ACP6: variants seen among roughly 807,000 people sequenced by gnomAD.
The protein encoded by ACP6 is lysophosphatidic acid phosphatase type 6.
Under a neutral mutation model 48.1 loss-of-function variants are expected in ACP6, and 48 were observed. The ratio of observed to expected loss-of-function variants is 1.00; its 90% CI spans 0.79 to 1.27. ACP6 has a LOEUF of 1.27. Ranked by LOEUF, ACP6 falls within the 50% of genes most tolerant of loss-of-function variation. The probability of loss-of-function intolerance (pLI) is 0.00; values close to 1 mark genes in which losing one functional copy is unlikely to be tolerated. For missense variants in ACP6, 485 were observed against 529.1 expected (o/e 0.92, Z 0.82); for synonymous variants, 172 against 204.2 (o/e 0.84, Z 1.34).
Position 147,647,477 on chromosome 1 carries a change from T to C in ACP6, c.1233A>G (p.Lys411=). ...GAGTTTGAGAGCAGAGTGCGTGGTATTTTTCTGGGCTTAAGGTATAAACTG... is the reference window on the plus strand; with the variant it reads ...GAGTTTGAGAGCAGAGTGCGTGGTACTTTTCTGGGCTTAAGGTATAAACTG... ...AMSVYTLSPE[K]YHALCSQTQV... Residue 411 remains lysine, a synonymous_variant, in exon 10 of 10, where the codon AAA becomes AAG. Coordinates refer to ENST00000583509, the MANE Select transcript of ACP6 (RefSeq NM_016361.5). 2 of 1,614,114 alleles carry C rather than the reference T, an allele frequency of 1.2e-6. No individual in the cohort carries two copies. The highest frequency in any genetic ancestry group is 1.1e-5 in the South Asian group (1 of 91,086).
At chr1:147,654,077 T>C in intron 6 of ACP6, 117 bp downstream of exon 6, 3 of 1,504,124 alleles carry the variant, frequency 2.0e-6, no homozygotes, top group South Asian at 1.3e-5. Context: ...TATCTGTAGG[T>C]CTTATCACAG....
In ACP6 at chr1:147,652,452, T is replaced by G. The variant is rs782793879; in HGVS notation, c.878A>C (p.Asp293Ala). The change falls in exon 7 of 10, where the codon GAC becomes GCC. Residue 293 changes from aspartate (D) to alanine (A), a missense_variant. Asp to Ala is a moderately radical substitution (Grantham distance 126). Transcript: ENST00000583509. ...GCCAGCAGTGAGAGCCCCTCACCTG[T>G]CTTCCTTGGGCAGTATGTACAAGGA... The part of the protein sequence containing the change: ...DTSLYILPKE[D>A]RESLQMAVGP... 3.7e-6 allele frequency: 6 copies of G among 1,611,022 alleles called. No individual in the cohort carries two copies. Among genetic ancestry groups the G allele is most frequent in the Non-Finnish European group, 3.4e-6 (4 of 1,178,572 alleles).
At chr1:147,637,552 C>G (rs1553208201), downstream of ACP6, among the ~76,000 whole-genome samples, 2 of 152,200 alleles carry the variant, frequency 1.3e-5, no homozygotes, top group Admixed American at 6.5e-5. Flanking sequence ...GATCTGAGAA[C>G]AGTTCCCTGG....
chr1:147,651,763 T>A (rs1659936125), intron 7 of ACP6: 1 of 152,162 alleles, frequency 6.6e-6, no homozygotes, highest in Non-Finnish European at 1.5e-5. Context: ...CCCCTACTCA[T>A]CTTTCCCAGG....
chr1:147,634,246 C>A (rs1265476464), intron 5 of ACP6, among the ~76,000 whole-genome samples: 1 of 152,152 alleles, frequency 6.6e-6, no homozygotes, highest in Non-Finnish European at 1.5e-5. Flanking sequence ...TTTGTGTATC[C>A]TCCATGGAGA....
Position 147,654,176 on chromosome 1 carries a change from C to A in ACP6, c.780+18G>T, listed in dbSNP as rs782724105. The stretch of plus-strand genomic sequence containing the variant: ...CCACCAAGGCTATTATCCCAGGCTC[C>A]CCAACCCCAGGACTCACCTGCTCGG... On this transcript the variant is annotated intron_variant, in intron 6 of 9. Coordinates refer to ENST00000583509, the MANE Select transcript of ACP6 (RefSeq NM_016361.5). 4.3e-6 allele frequency: 7 copies of A among 1,612,122 alleles called. No individual in the cohort carries two copies. The highest frequency in any genetic ancestry group is 5.9e-6 in the Non-Finnish European group (7 of 1,179,386).
chr1:147,645,610 A>T lies in ACP6; in HGVS notation c.*1813T>A, dbSNP rs1490051361. ...TACTGATGAGAAGCTTAGTAAGAAG[A>T]ATGAAAACTGGCTATTGGATTCACC... On this transcript the variant is annotated 3_prime_UTR_variant, in exon 10 of 10. Transcript: ENST00000583509. 6.6e-6 allele frequency: 1 copy of T among 152,228 alleles called. No individual in the cohort carries two copies. Among genetic ancestry groups the T allele is most frequent in the Non-Finnish European group, 1.5e-5 (1 of 68,040 alleles). The allele number at this position is 152,228 out of a possible 1,614,324, so 9.4% of individuals were successfully genotyped here.
At chr1:147,668,136 A>C (rs1011503442) in intron 1 of ACP6, among the ~76,000 whole-genome samples, 3 of 152,190 alleles carry the variant, frequency 2.0e-5, no homozygotes, top group Non-Finnish European at 2.9e-5. Flanking sequence ...ATTTTCATGC[A>C]CACAACTTTA....
downstream of ACP6, among the ~76,000 whole-genome samples, chr1:147,638,449 A>G (rs1385530622): frequency 6.6e-6 from 1 of 152,184 alleles, no homozygotes; most frequent in Non-Finnish European, 1.5e-5. Context: ...GTGTCTCTGT[A>G]GAAATAAACA....
intron 5 of ACP6, among the ~76,000 whole-genome samples, chr1:147,634,410 GTTGA>G (rs1553207745): frequency 6.7e-6 from 1 of 148,262 alleles, no homozygotes; most frequent in African/African-American, 2.5e-5. Context: ...TTTTCACTCT[GTTGA>G]TTGTGTCCTT....
At chr1:147,635,609 G>C (rs947514658) in intron 5 of ACP6, among the ~76,000 whole-genome samples, 3 of 152,232 alleles carry the variant, frequency 2.0e-5, no homozygotes, top group African/African-American at 7.2e-5. Flanking sequence ...GGTTGAGGGA[G>C]TGTTGAGTAT....
intron 5 of ACP6, 148 bp downstream of exon 5, chr1:147,655,013 T>C (rs1570963124): frequency 1.6e-6 from 1 of 613,494 alleles, no homozygotes; most frequent in South Asian, 1.9e-5. Flanking sequence ...AGACAGCTGA[T>C]GTCACACTTA....
chr1:147,640,327 C>T (rs1659414739), downstream of ACP6, among the ~76,000 whole-genome samples: 1 of 152,132 alleles, frequency 6.6e-6, no homozygotes, highest in South Asian at 2.1e-4. Context: ...GGCTTAAACA[C>T]CCCTGAAACA....
intron 8 of ACP6, 108 bp downstream of exon 8, chr1:147,650,035 G>A (rs955752492): frequency 1.4e-5 from 12 of 872,994 alleles, no homozygotes; most frequent in East Asian, 5.6e-5. Context: ...ATCTACCTTC[G>A]GTCACTGACA....
intron 1 of ACP6, among the ~76,000 whole-genome samples, chr1:147,660,784 A>G (rs1660507189): frequency 6.6e-6 from 1 of 152,216 alleles, no homozygotes; most frequent in South Asian, 2.1e-4. Flanking sequence ...ATAATTGTAT[A>G]TTGTATATAT....
intron 5 of ACP6, among the ~76,000 whole-genome samples, chr1:147,654,942 T>A (rs1364078386): frequency 2.6e-5 from 4 of 152,220 alleles, no homozygotes; most frequent in African/African-American, 9.6e-5. Flanking sequence ...GTGCGGCTCT[T>A]CCCAGAATTC....
chr1:147,659,506 C>G lies in ACP6; in HGVS notation c.369G>C (p.Gln123His). 6.2e-7 allele frequency: 1 copy of G among 1,614,176 alleles called. No homozygotes were observed. The highest frequency in any genetic ancestry group is 8.5e-7 in the Non-Finnish European group (1 of 1,180,026). Residue 123 changes from glutamine to histidine, a missense_variant, in exon 3 of 10, where the codon CAG becomes CAC. Coordinates refer to ENST00000583509, the MANE Select transcript of ACP6 (RefSeq NM_016361.5). ...TTLKGGMFAG[Q>H]LTKVGMQQMF... The stretch of plus-strand genomic sequence containing the variant: ...TTTGCTGCATGCCCACCTTGGTCAG[C>G]TGCCCAGCAAACATGCCCCCCTAAA...
In ACP6 at chr1:147,648,252, G is replaced by T. The variant is rs587641218; in HGVS notation, c.1137C>A (p.His379Gln). Reference sequence around the variant, plus strand: ...CCCACCTCAGGGGTATTACCTTCCCGTGGTAATAGAGCTGCACAAACCACT... The same window carrying T: ...CCCACCTCAGGGGTATTACCTTCCCTTGGTAATAGAGCTGCACAAACCACT... ...SKEWFVQLYY[H>Q]GKEQVPRGCP... Residue 379 changes from histidine to glutamine, a missense_variant, in exon 9 of 10, where the codon CAC becomes CAA. By Grantham distance (24) the His-to-Gln change is conservative (BLOSUM62 0). Coordinates refer to ENST00000583509, the MANE Select transcript of ACP6 (RefSeq NM_016361.5). The T allele has an allele frequency of 2.5e-6, 4 of 1,614,126 alleles. No homozygotes were observed. The highest frequency in any genetic ancestry group is 2.5e-6 in the Non-Finnish European group (3 of 1,180,006).
chr1:147,635,634 G>T (rs587676222), intron 5 of ACP6, among the ~76,000 whole-genome samples: 1 of 152,314 alleles, frequency 6.6e-6, no homozygotes, highest in East Asian at 1.9e-4. Flanking sequence ...TGATGAAGTG[G>T]TGTCTATGTG....
Sources: allele counts gnomAD v4.1 joint callset (sites outside exome capture counted in the v4.1 genomes callset), GRCh38; gene constraint gnomAD v4.1.1; transcripts MANE v1.5; gene names NCBI Gene and HGNC (gene_info 2026-07-23, HGNC 2026-07-21).